The following AGAP5 variants were observed in gnomAD, a reference collection of about 807,000 sequenced individuals.
The protein encoded by AGAP5 is ArfGAP with GTPase domain, ankyrin repeat and PH domain 5, also known as arf-GAP with GTPase, ANK repeat and PH domain-containing protein 5.
In AGAP5, 8 loss-of-function variants were observed where a neutral mutation model predicts 27.7. The observed-to-expected ratio is 0.29, with a 90% CI of 0.17 to 0.52. The LOEUF (loss-of-function observed/expected upper bound fraction) is 0.52. Ranked by LOEUF, AGAP5 falls within the 20% of genes least tolerant of loss-of-function variation. The pLI, the probability that AGAP5 is intolerant of heterozygous loss-of-function variation, is 0.97. For missense variants in AGAP5, 285 were observed against 880.8 expected (o/e 0.32, Z 8.56); for synonymous variants, 111 against 338.0 (o/e 0.33, Z 7.37).
Position 73,694,768 on chromosome 10 carries a change from C to T in AGAP5, c.329G>A (p.Ser110Asn), listed in dbSNP as rs1454628427. ...TTGAGAGTTCCTCTGGAATATTGTG[C>T]TTGCCTCTGGATTGGCAGAAGGGTT... The part of the protein sequence containing the change: ...EFNPSANPEA[S>N]TIFQRNSQTD... Residue 110 changes from serine to asparagine, a missense_variant, in exon 3 of 8, where the codon AGC (serine) becomes AAC (asparagine). Coordinates refer to ENST00000374094, the MANE Select transcript of AGAP5 (RefSeq NM_001144000.4). 20 of 1,597,982 alleles carry T rather than the reference C, an allele frequency of 1.3e-5. No individual in the cohort carries two copies. In the East Asian group the frequency reaches 4.0e-4, roughly 32 times the overall value.
chr10:73,697,451 T>C, intron 1 of AGAP5, 82 bp downstream of exon 1: 1 of 1,599,500 alleles, frequency 6.3e-7, no homozygotes, highest in Non-Finnish European at 8.5e-7. Context: ...GAGCTCAAAG[T>C]GGGGGATGCC....
At chr10:73,696,746 C>T (rs1423904447) in intron 2 of AGAP5, among the ~76,000 whole-genome samples, 1 of 152,194 alleles carries the variant, frequency 6.6e-6, no homozygotes, top group African/African-American at 2.4e-5. Context: ...GTTCAAATTA[C>T]AGTTAGAAGA....
chr10:73,687,025 G>A lies in AGAP5; in HGVS notation c.397-4231C>T, dbSNP rs535698489. 6.6e-5 allele frequency among the ~76,000 whole-genome samples: 10 copies of A among 151,924 alleles called. No homozygotes were observed. In the East Asian group the frequency reaches 1.5e-3, roughly 23 times the overall value. On this transcript the variant is annotated intron_variant, in intron 4 of 7. Transcript: ENST00000374094. Reference sequence around the variant, plus strand: ...TAAAAGACTACAAATTGGGTTCAGCGGATACTGCTCAGGTGATGGGTGCAC... The same window carrying A: ...TAAAAGACTACAAATTGGGTTCAGCAGATACTGCTCAGGTGATGGGTGCAC...
chr10:73,677,225 C>T (rs1464997171), intron 6 of AGAP5, among the ~76,000 whole-genome samples: 1 of 151,588 alleles, frequency 6.6e-6, no homozygotes, highest in African/African-American at 2.4e-5. Context: ...ACTCATCTGC[C>T]TTTTTAAGAG....
At chr10:73,693,363 C>T (rs978531003) in intron 3 of AGAP5, among the ~76,000 whole-genome samples, 1 of 152,116 alleles carries the variant, frequency 6.6e-6, no homozygotes, top group African/African-American at 2.4e-5. Flanking sequence ...TTGGTCCCAT[C>T]CCCATGGTAA....
In AGAP5 at chr10:73,697,661, T is replaced by A; in HGVS notation, c.95A>T (p.Tyr32Phe). 6.2e-7 allele frequency: 1 copy of A among 1,601,746 alleles called. No individual in the cohort carries two copies. Reference sequence around the variant, plus strand: ...CATCCTGTCCCCAGCTCCTGCCTCATAGATCTCAGATTCAGAGGGACACAC... The same window carrying A: ...CATCCTGTCCCCAGCTCCTGCCTCAAAGATCTCAGATTCAGAGGGACACAC... ...GSVCPSESEIYEAGAGDRMAG... is the reference protein window; with the variant it reads ...GSVCPSESEIFEAGAGDRMAG... Residue 32 changes from tyrosine to phenylalanine, a missense_variant, in exon 1 of 8, where the codon TAT (tyrosine) becomes TTT (phenylalanine). Tyr to Phe is a conservative substitution (Grantham distance 22). Coordinates refer to ENST00000374094, the MANE Select transcript of AGAP5 (RefSeq NM_001144000.4).
chr10:73,695,831 T>C (rs1215898162), intron 2 of AGAP5, among the ~76,000 whole-genome samples: 1 of 152,040 alleles, frequency 6.6e-6, no homozygotes, highest in African/African-American at 2.4e-5. Context: ...TGATGCAATG[T>C]TTTCTATTTT....
intron 4 of AGAP5, among the ~76,000 whole-genome samples, chr10:73,687,484 AATCTT>A (rs1283579259): frequency 6.6e-6 from 1 of 152,198 alleles, no homozygotes; most frequent in Non-Finnish European, 1.5e-5. Flanking sequence ...AAAATGAACA[AATCTT>A]AATTAACTTA....
chr10:73,688,693 C>T (rs1366405307), intron 4 of AGAP5, among the ~76,000 whole-genome samples: 1 of 151,794 alleles, frequency 6.6e-6, no homozygotes, highest in Non-Finnish European at 1.5e-5. Flanking sequence ...AATAACAAGA[C>T]TATCAGTAAA....
intron 4 of AGAP5, among the ~76,000 whole-genome samples, chr10:73,688,961 TCTGCCTCTG>T (rs1315499578): frequency 2.0e-5 from 3 of 152,104 alleles, no homozygotes; most frequent in Non-Finnish European, 4.4e-5. Context: ...CTCTGTCTCC[TCTGCCTCTG>T]CTGCCTCTGC....
chr10:73,691,851 A>G (rs919580708), intron 4 of AGAP5, among the ~76,000 whole-genome samples, 192 bp downstream of exon 4: 2 of 151,776 alleles, frequency 1.3e-5, no homozygotes, highest in Non-Finnish European at 2.9e-5. Context: ...GAAATCTTTA[A>G]AAGGTGGACA....
At chr10:73,697,184 A>C (rs1348373858) in intron 1 of AGAP5, 21 bp from the exon 2 acceptor site, 1 of 1,592,214 alleles carries the variant, frequency 6.3e-7, no homozygotes, top group African/African-American at 1.3e-5. Flanking sequence ...AGAGGGAGAA[A>C]AGAAAAAAGA....
chr10:73,675,400 T>C lies in AGAP5; in HGVS notation c.1260A>G (p.Thr420=), dbSNP rs3998265. The C allele has an allele frequency of 1.7e-5, 27 of 1,613,602 alleles. No individual in the cohort carries two copies. The African/African-American group carries it at 2.9e-4, about 18-fold the overall frequency. The change falls in exon 8 of 8, where the codon ACA becomes ACG. Residue 420 remains threonine (T), a synonymous_variant. Transcript: ENST00000374094. ...NFMIVSATGQ[T]WHFEATTYEE... is the part of the protein sequence containing the mutation. ...CATACGTCGTGGCTTCAAAGTGCCATGTTTGGCCAGTGGCAGACACAATCA... is the reference window on the plus strand; with the variant it reads ...CATACGTCGTGGCTTCAAAGTGCCACGTTTGGCCAGTGGCAGACACAATCA...
At position 73,697,532 on chromosome 10, in the gene AGAP5, C is replaced by T. The variant is rs371583114; in HGVS notation, c.223+1G>A. On this transcript the variant is annotated splice_donor_variant, in intron 1 of 7. Coordinates refer to ENST00000374094, the MANE Select transcript of AGAP5 (RefSeq NM_001144000.4). LOFTEE classifies it high-confidence loss of function. ...GTAGATGGCACCTATCACCTCCTTA[C>T]CTTCAGGCATCTCCTGGTCACGAAT... The T allele has an allele frequency of 3.1e-6, 5 of 1,612,614 alleles. No homozygotes were observed. Among genetic ancestry groups the T allele is most frequent in the Non-Finnish European group, 3.4e-6 (4 of 1,179,970 alleles).
intron 3 of AGAP5, 146 bp downstream of exon 3, chr10:73,694,590 G>C: frequency 2.9e-6 from 4 of 1,379,100 alleles, no homozygotes; most frequent in East Asian, 2.4e-5. Context: ...CTAAAGGAAA[G>C]TATATCACAT....
At chr10:73,677,592 G>A (rs1186928967) in intron 6 of AGAP5, among the ~76,000 whole-genome samples, 2 of 150,768 alleles carry the variant, frequency 1.3e-5, no homozygotes, top group Non-Finnish European at 2.9e-5. Flanking sequence ...CACCATGTTG[G>A]CCAGGCTGGT....
intron 4 of AGAP5, among the ~76,000 whole-genome samples, chr10:73,685,730 T>G (rs1431543607): frequency 1.3e-5 from 2 of 151,998 alleles, no homozygotes; most frequent in African/African-American, 4.8e-5. Flanking sequence ...CTTTTGTATT[T>G]TTAGTAGAGA....
In AGAP5 at chr10:73,697,829, C is replaced by A; in HGVS notation, c.-74G>T. On this transcript the variant is annotated 5_prime_UTR_variant, in exon 1 of 8. Transcript: ENST00000374094. The stretch of plus-strand genomic sequence containing the variant: ...GGCCACACACTCCCACTGTCCTAGG[C>A]CGAGGCTATGCTGCACTTGCAGAGA... The A allele has an allele frequency of 5.1e-6, 8 of 1,583,214 alleles. No homozygotes were observed. The highest frequency in any genetic ancestry group is 6.8e-6 in the Non-Finnish European group (8 of 1,171,644).
Position 73,697,878 on chromosome 10 carries a change from C to T in AGAP5, c.-123G>A. The T allele has an allele frequency of 6.5e-7, 1 of 1,543,058 alleles. No individual in the cohort carries two copies. The highest frequency in any genetic ancestry group is 8.7e-7 in the Non-Finnish European group (1 of 1,150,628). On this transcript the variant is annotated 5_prime_UTR_variant, in exon 1 of 8. Transcript: ENST00000374094. ...GATGGTCTTCCCGCTCCTCGCCTGC[C>T]CACCTCACAGCGCGGCCCCGGGCAC... is the stretch of plus-strand genomic sequence containing the variant.
Sources: gnomAD v4.1 joint callset for allele counts (sites outside exome capture counted in the v4.1 genomes callset) on GRCh38, gnomAD v4.1.1 for gene constraint, MANE v1.5 for transcripts, NCBI Gene and HGNC (gene_info 2026-07-23, HGNC 2026-07-21) for gene names.